The following FSIP2 variants were observed in gnomAD, a reference collection of about 807,000 sequenced individuals.
The protein encoded by FSIP2 is fibrous sheath interacting protein 2, also known as fibrous sheath-interacting protein 2.
In FSIP2, 367 loss-of-function variants were observed where a neutral mutation model predicts 510.5. The observed-to-expected ratio is 0.72, with a 90% confidence interval of 0.66 to 0.78. FSIP2 has a LOEUF of 0.78. Among genes scored for constraint, FSIP2 ranks in the 30% least tolerant of loss-of-function variants. FSIP2 has a pLI of 0.00. For synonymous variants in FSIP2, 2,601 were observed against 2,732.2 expected (o/e 0.95, Z 1.50); for missense variants, 7,594 against 7,901.7 (o/e 0.96, Z 1.48).
intron 8 of FSIP2, among the ~76,000 whole-genome samples, chr2:185,754,366 C>T (rs1047327102): frequency 1.3e-5 from 2 of 151,390 alleles, no homozygotes; most frequent in African/African-American, 2.4e-5. Flanking sequence ...GATAAAATTT[C>T]ATGGCCAGAA....
In FSIP2 at chr2:185,795,601, A is replaced by C; in HGVS notation, c.8465A>C (p.Asn2822Thr). The change falls in exon 16 of 23, where the codon AAT becomes ACT. Residue 2822 changes from asparagine (N) to threonine (T), a missense_variant. By Grantham distance (65) the Asn-to-Thr change is moderately conservative. Transcript: ENST00000424728. ...CAACAAGCATGTTTTTACTTGGAGA[A>C]TGTTTCTTCACAGCTAGAGCACATT... ...PKQQACFYLE[N>T]VSSQLEHIFP... The C allele has an allele frequency of 6.5e-7, 1 of 1,535,096 alleles. No individual in the cohort carries two copies. The highest frequency in any genetic ancestry group is 8.7e-7 in the Non-Finnish European group (1 of 1,146,086).
intron 19 of FSIP2, among the ~76,000 whole-genome samples, chr2:185,820,882 C>T (rs1693903195): frequency 6.7e-6 from 1 of 150,316 alleles, no homozygotes; most frequent in African/African-American, 2.4e-5. Context: ...TAACTTTACA[C>T]CTTAGGGAAC....
chr2:185,740,745 TAGAAAG>T (rs1691907023), intron 2 of FSIP2, among the ~76,000 whole-genome samples: 1 of 152,094 alleles, frequency 6.6e-6, no homozygotes, highest in South Asian at 2.1e-4. Context: ...CCCTGCATGG[TAGAAAG>T]AAGGCTGGAG....
intron 9 of FSIP2, among the ~76,000 whole-genome samples, chr2:185,758,011 T>A (rs1692275982): frequency 6.6e-6 from 1 of 151,226 alleles, no homozygotes. Context: ...ACCTCTGGGA[T>A]TATTATCAAA....
intron 17 of FSIP2, among the ~76,000 whole-genome samples, chr2:185,810,416 T>C (rs1693702247): frequency 6.6e-6 from 1 of 152,014 alleles, no homozygotes; most frequent in Non-Finnish European, 1.5e-5. Context: ...TGCCTTCACT[T>C]TGTGATGTGC....
At chr2:185,812,874 T>C (rs1453308234) in intron 17 of FSIP2, among the ~76,000 whole-genome samples, 1 of 152,092 alleles carries the variant, frequency 6.6e-6, no homozygotes, top group East Asian at 1.9e-4. Context: ...ATTAACTTAA[T>C]TTTGAGATTC....
chr2:185,791,094 A>AG lies in FSIP2; in HGVS notation c.3961dup (p.Glu1321GlyfsTer3). 1.3e-6 allele frequency: 2 copies of AG among 1,531,576 alleles called. No homozygotes were observed. The highest frequency in any genetic ancestry group is 1.7e-6 in the Non-Finnish European group (2 of 1,144,476). The allele number at this position is 1,531,576 out of a possible 1,614,324, so 94.9% of individuals were successfully genotyped here. A position where few individuals can be genotyped will look rare whatever the true frequency, so the allele number is the denominator to read the frequency against. ...ACTTCACAAGGAAAACCTAAATCTT[A>AG]GGGAGATTGACCATACCAAATCCCT... On this transcript the variant is annotated frameshift_variant, in exon 16 of 23. Coordinates refer to ENST00000424728, the MANE Select transcript of FSIP2 (RefSeq NM_173651.4). LOFTEE classifies it high-confidence loss of function.
chr2:185,818,941 C>T (rs2105675158), intron 19 of FSIP2, among the ~76,000 whole-genome samples: 1 of 151,946 alleles, frequency 6.6e-6, no homozygotes, highest in East Asian at 1.9e-4. Context: ...ATAGTATTAT[C>T]ATAATTTAGC....
rs778838524 is a variant in FSIP2 at position 185,792,847 on chromosome 2, G to C, written c.5711G>C (p.Arg1904Thr). The change falls in exon 16 of 23, where the codon AGA (arginine) becomes ACA (threonine). Residue 1904 changes from arginine (R) to threonine (T), a missense_variant. Physicochemically the swap from Arg to Thr is moderately conservative, Grantham distance 71 (BLOSUM62 -1). Transcript: ENST00000424728. ...GAAAATCCATGTACTTTTCAGTCTA[G>C]ATTCAGCGTTGCTGACAAGGAGACA... The part of the protein sequence containing the change: ...LDENPCTFQS[R>T]FSVADKETKV... 4 of 1,534,260 alleles carry C rather than the reference G, an allele frequency of 2.6e-6. No homozygotes were observed. The African/African-American group carries it at 4.1e-5, about 16-fold the overall frequency.
chr2:185,739,648 A>G (rs1691882254), intron 2 of FSIP2, among the ~76,000 whole-genome samples, 177 bp downstream of exon 2: 1 of 152,190 alleles, frequency 6.6e-6, no homozygotes, highest in South Asian at 2.1e-4. Flanking sequence ...TTTCATCTTA[A>G]TGGTTTGGAC....
chr2:185,794,297 C>T lies in FSIP2; in HGVS notation c.7161C>T (p.Ile2387=), dbSNP rs1409719011. The T allele has an allele frequency of 9.2e-6, 14 of 1,524,008 alleles. No homozygotes were observed. Among genetic ancestry groups the T allele is most frequent in the African/African-American group, 1.4e-5 (1 of 72,412 alleles). The allele number at this position is 1,524,008 out of a possible 1,614,324, so 94.4% of individuals were successfully genotyped here. The change falls in exon 16 of 23, where the codon ATC becomes ATT. Residue 2387 remains isoleucine, a synonymous_variant. Coordinates refer to ENST00000424728, the MANE Select transcript of FSIP2 (RefSeq NM_173651.4). Reference sequence around the variant, plus strand: ...ACAATATTTTGTTCCAAGAAAACATCATTGTGAGTGAAATTGTTGACAGTA... The same window carrying T: ...ACAATATTTTGTTCCAAGAAAACATTATTGTGAGTGAAATTGTTGACAGTA... ...YQNNILFQEN[I]IVSEIVDSML... is the part of the protein sequence containing the mutation.
At chr2:185,784,998 G>T (rs1185259105) in intron 14 of FSIP2, among the ~76,000 whole-genome samples, 2 of 152,016 alleles carry the variant, frequency 1.3e-5, no homozygotes, top group Admixed American at 1.3e-4. Flanking sequence ...TTACCTGTAG[G>T]CCTTTGCACT....
rs1376487296 is a variant in FSIP2, at chr2:185,807,356, T to C, written c.18050T>C (p.Ile6017Thr). 6.2e-7 allele frequency: 1 copy of C among 1,609,400 alleles called. No individual in the cohort carries two copies. The highest frequency in any genetic ancestry group is 8.5e-7 in the Non-Finnish European group (1 of 1,178,482). ...ILPHKFLENV[I>T]SALFSKIFST... ...CCTCATAAATTTTTGGAGAATGTGA[T>C]TTCTGCTCTTTTCTCCAAAATTTTC... is the stretch of plus-strand genomic sequence containing the variant. The change falls in exon 17 of 23, where the codon ATT becomes ACT. Residue 6017 changes from isoleucine to threonine, a missense_variant. Ile to Thr is a moderately conservative substitution (Grantham distance 89). Coordinates refer to ENST00000424728, the MANE Select transcript of FSIP2 (RefSeq NM_173651.4).
chr2:185,818,135 TA>T (rs1251152978), intron 19 of FSIP2, among the ~76,000 whole-genome samples: 9 of 151,890 alleles, frequency 5.9e-5, no homozygotes. Flanking sequence ...TATGTGCTCA[TA>T]AAAATTAAAA....
At chr2:185,828,030 C>T (rs1212392091) in intron 20 of FSIP2, 126 bp from the exon 21 acceptor site, 3 of 579,166 alleles carry the variant, frequency 5.2e-6, no homozygotes, top group Non-Finnish European at 9.2e-6. Context: ...AAAATAACAA[C>T]TTCTTCGACC....
Position 185,798,810 on chromosome 2 carries a change from T to A in FSIP2, c.10391-887T>A, listed in dbSNP as rs142592196. On this transcript the variant is annotated intron_variant, in intron 16 of 22. Transcript: ENST00000424728. ...CATTGACACTTGGCTCTAACAATTC[T>A]ATATTCCTATTCTCAGACATCTCCA... Among the ~76,000 whole-genome samples, 1,004 of 151,964 alleles carry A rather than the reference T, an allele frequency of 6.6e-3. 13 individuals carry two copies. The highest frequency in any genetic ancestry group is 0.022 in the African/African-American group (922 of 41,514).
rs991004161 is a variant in FSIP2, at chr2:185,793,911, A to T, written c.6775A>T (p.Lys2259Ter). The stretch of plus-strand genomic sequence containing the variant: ...TAACTTCATTACTAAAACTATTTTT[A>T]AACGTTTGGAATCTTTTGCCACAGA... The part of the protein sequence containing the change: ...NANFITKTIF[K>*]RLESFATERI... The change falls in exon 16 of 23, where the codon AAA becomes TAA. Residue 2259 changes from lysine (K) to a stop codon, truncating the protein, a stop_gained. Coordinates refer to ENST00000424728, the MANE Select transcript of FSIP2 (RefSeq NM_173651.4). LOFTEE classifies it high-confidence loss of function. 3.3e-6 allele frequency: 5 copies of T among 1,525,576 alleles called. No homozygotes were observed. The African/African-American group carries it at 6.9e-5, about 21-fold the overall frequency. 94.5% of individuals were successfully genotyped at this position (1,525,576 alleles called of 1,614,324 possible). A position where few individuals can be genotyped will look rare whatever the true frequency, so the allele number is the denominator to read the frequency against.
rs1559035181 is a variant in FSIP2, at chr2:185,806,372, T to C, written c.17066T>C (p.Leu5689Ser). 1.6e-5 allele frequency: 25 copies of C among 1,611,422 alleles called. No individual in the cohort carries two copies. The highest frequency in any genetic ancestry group is 2.1e-5 in the Non-Finnish European group (25 of 1,178,500). Residue 5689 changes from leucine (L) to serine (S), a missense_variant, in exon 17 of 23, where the codon TTA becomes TCA. Transcript: ENST00000424728. ...ATTGAAAATATTTTTGAAGATGTTT[T>C]AGAACTATCTTCTTCTCCAGAACCA... ...NVIENIFEDV[L>S]ELSSSPEPAY...
chr2:185,789,281 A>G lies in FSIP2; in HGVS notation c.2145A>G (p.Ile715Met). ...EVILESILRE[I>M]MSDLTQAIPS... Reference sequence around the variant, plus strand: ...TTTTAGAAAGCATTTTGCGAGAAATAATGTCTGATTTAACCCAGGCCATTC... The same window carrying G: ...TTTTAGAAAGCATTTTGCGAGAAATGATGTCTGATTTAACCCAGGCCATTC... The change falls in exon 16 of 23, where the codon ATA (isoleucine) becomes ATG (methionine). Residue 715 changes from isoleucine to methionine, a missense_variant. Ile to Met is a conservative substitution (Grantham distance 10). Transcript: ENST00000424728. 4 of 1,534,684 alleles carry G rather than the reference A, an allele frequency of 2.6e-6. No homozygotes were observed. Among genetic ancestry groups the G allele is most frequent in the Non-Finnish European group, 3.5e-6 (4 of 1,145,954 alleles).
Sources: allele counts gnomAD v4.1 joint callset (sites outside exome capture counted in the v4.1 genomes callset), GRCh38; gene constraint gnomAD v4.1.1; transcripts MANE v1.5; gene names NCBI Gene and HGNC (gene_info 2026-07-23, HGNC 2026-07-21).